AGMO: variants seen among roughly 807,000 people sequenced by gnomAD.
The protein encoded by AGMO is glyceryl-ether monooxygenase.
A neutral mutation model predicts 60.2 loss-of-function variants in AGMO; 75 were observed. The observed-to-expected ratio is 1.25, with a 90% CI of 1.03 to 1.51. AGMO has a LOEUF of 1.51. Among genes scored for constraint, AGMO ranks in the 40% most tolerant of loss-of-function variants. The pLI, the probability that AGMO is intolerant of heterozygous loss-of-function variation, is 0.00. For missense variants in AGMO, 763 were observed against 525.5 expected (o/e 1.45, Z -4.42); for synonymous variants, 261 against 177.1 (o/e 1.47, Z -3.76).
At chr7:15,412,195 G>C (rs1296266865) in intron 5 of AGMO, among the ~76,000 whole-genome samples, 1 of 152,062 alleles carries the variant, frequency 6.6e-6, no homozygotes, top group Non-Finnish European at 1.5e-5. Context: ...CATCCTTGCA[G>C]CTCTCTTGTA....
the AGMO span, among the ~76,000 whole-genome samples, chr7:15,175,781 A>C: frequency 5.9e-5 from 9 of 152,098 alleles, no homozygotes; most frequent in African/African-American, 2.2e-4. Flanking sequence ...ATATAGATTA[A>C]ATATTATTTT....
At chr7:15,493,486 G>A (rs1241594358) in intron 3 of AGMO, among the ~76,000 whole-genome samples, 1 of 145,164 alleles carries the variant, frequency 6.9e-6, no homozygotes, top group African/African-American at 2.6e-5. Context: ...CCATTCTCCT[G>A]CCTCAGCCTC....
At chr7:15,207,628 T>TA (rs980464858) in intron 12 of AGMO, among the ~76,000 whole-genome samples, 5 of 152,210 alleles carry the variant, frequency 3.3e-5, no homozygotes, top group African/African-American at 1.2e-4. Context: ...GTCAGGTACA[T>TA]AGACACTAGC....
intron 3 of AGMO, among the ~76,000 whole-genome samples, chr7:15,463,160 G>A (rs901452400): frequency 6.6e-6 from 1 of 152,166 alleles, no homozygotes; most frequent in Admixed American, 6.6e-5. Flanking sequence ...TCACTCTACA[G>A]TACTTGTTTA....
chr7:15,145,719 A>G, the AGMO span, among the ~76,000 whole-genome samples: 1 of 152,158 alleles, frequency 6.6e-6, no homozygotes, highest in Non-Finnish European at 1.5e-5. Flanking sequence ...TGCTCACAGT[A>G]GAAGATATAA....
chr7:15,218,209 ATTT>A (rs907320018), intron 12 of AGMO, among the ~76,000 whole-genome samples: 7 of 152,124 alleles, frequency 4.6e-5, no homozygotes, highest in African/African-American at 1.7e-4. Context: ...GTGTGAAATT[ATTT>A]ATGTAATTTT....
the AGMO span, among the ~76,000 whole-genome samples, chr7:15,133,699 C>G: frequency 1.3e-5 from 2 of 152,066 alleles, no homozygotes; most frequent in African/African-American, 4.8e-5. Flanking sequence ...ATCATCAAGC[C>G]TATAATCCCA....
chr7:15,248,207 T>TATATATATATATAC lies in AGMO; in HGVS notation c.1264-46849_1264-46848insGTATATATATATAT, dbSNP rs1782817313. On this transcript the variant is annotated intron_variant, in intron 12 of 12. Transcript: ENST00000342526. ...ATATATATATATATATATATATATA[T>TATATATATATATAC]ATATATATATATATATATCTTCATC... Among the ~76,000 whole-genome samples, 3 of 99,200 alleles carry TATATATATATATAC rather than the reference T, an allele frequency of 3.0e-5. No individual in the cohort carries two copies. In the South Asian group the frequency reaches 8.8e-4, roughly 29 times the overall value. The allele number at this position is 99,200 out of a possible 152,430, so 65.1% of individuals were successfully genotyped here.
the AGMO span, among the ~76,000 whole-genome samples, chr7:15,152,864 G>C: frequency 6.6e-6 from 1 of 152,116 alleles, no homozygotes; most frequent in Non-Finnish European, 1.5e-5. Flanking sequence ...ATACCTAGTA[G>C]TGGGATTGCT....
chr7:15,259,859 G>C (rs1227966095), intron 12 of AGMO, among the ~76,000 whole-genome samples: 1 of 111,600 alleles, frequency 9.0e-6, no homozygotes, highest in Non-Finnish European at 1.7e-5. Flanking sequence ...AACAAACACT[G>C]AGAGAATGCA....
chr7:15,369,474 T>A (rs147628660), intron 10 of AGMO, among the ~76,000 whole-genome samples: 2 of 152,176 alleles, frequency 1.3e-5, no homozygotes, highest in Non-Finnish European at 1.5e-5. Context: ...ATGACAAACA[T>A]TTTCCCCACT....
intron 3 of AGMO, among the ~76,000 whole-genome samples, chr7:15,525,319 A>C (rs930505166): frequency 4.6e-5 from 7 of 152,104 alleles, no homozygotes; most frequent in African/African-American, 1.7e-4. Flanking sequence ...AAATCTGCGG[A>C]CTAGATTGAG....
intron 10 of AGMO, among the ~76,000 whole-genome samples, chr7:15,383,244 C>T (rs764089696): frequency 6.6e-6 from 1 of 152,100 alleles, no homozygotes; most frequent in African/African-American, 2.4e-5. Context: ...TGAAGGGTCA[C>T]AGTTTACAGG....
intron 12 of AGMO, among the ~76,000 whole-genome samples, chr7:15,202,465 A>AC (rs1179014863): frequency 2.6e-5 from 2 of 76,060 alleles, no homozygotes; most frequent in African/African-American, 1.3e-4. Context: ...GAGCAAAAAA[A>AC]AAAAAAAAAA....
intron 12 of AGMO, among the ~76,000 whole-genome samples, chr7:15,216,637 T>G (rs1209142931): frequency 6.6e-6 from 1 of 152,100 alleles, no homozygotes; most frequent in Non-Finnish European, 1.5e-5. Flanking sequence ...CAAAACTCAT[T>G]TGGTCCAATT....
At chr7:15,224,848 T>C (rs1411276371) in intron 12 of AGMO, among the ~76,000 whole-genome samples, 1 of 152,184 alleles carries the variant, frequency 6.6e-6, no homozygotes, top group African/African-American at 2.4e-5. Flanking sequence ...TAATTATATT[T>C]ACAAATTTTA....
chr7:15,198,891 G>A (rs1054225451), downstream of AGMO, among the ~76,000 whole-genome samples: 2 of 152,188 alleles, frequency 1.3e-5, no homozygotes, highest in Admixed American at 6.5e-5. Flanking sequence ...CAACTGGGGA[G>A]AGTTCGAATC....
At chr7:15,321,834 G>C (rs1169973082) in intron 12 of AGMO, among the ~76,000 whole-genome samples, 3 of 151,988 alleles carry the variant, frequency 2.0e-5, no homozygotes, top group African/African-American at 7.2e-5. Flanking sequence ...CTAGTAAATA[G>C]TCGATTTTTC....
intron 5 of AGMO, chr7:15,396,583 G>A (rs564512251): frequency 1.3e-5 from 2 of 152,392 alleles, no homozygotes; most frequent in African/African-American, 2.4e-5. Flanking sequence ...GCCGCTCCTT[G>A]CTTGGATCGC....
Sources: allele counts gnomAD v4.1 joint callset (sites outside exome capture counted in the v4.1 genomes callset), GRCh38; gene constraint gnomAD v4.1.1; transcripts MANE v1.5; gene names NCBI Gene and HGNC (gene_info 2026-07-23, HGNC 2026-07-21).